The following KDM2B variants were observed in gnomAD, a reference collection of about 807,000 sequenced individuals.
The protein encoded by KDM2B is lysine demethylase 2B, also known as lysine-specific demethylase 2B.
Under a neutral mutation model 150.0 loss-of-function variants are expected in KDM2B, and 26 were observed. The observed-to-expected ratio is 0.17, with a 90% CI of 0.13 to 0.24. The LOEUF is 0.24. Ranked by LOEUF, KDM2B falls within the 10% of genes least tolerant of loss-of-function variation. The pLI is 1.00. For synonymous variants in KDM2B, 734 were observed against 729.5 expected (o/e 1.01, Z -0.10); for missense variants, 1,265 against 1,816.9 (o/e 0.70, Z 5.52).
intron 4 of KDM2B, among the ~76,000 whole-genome samples, chr12:121,555,569 C>T (rs1416333069): frequency 2.0e-5 from 3 of 152,224 alleles, no homozygotes; most frequent in Admixed American, 6.6e-5. Context: ...GACGGGGTTT[C>T]GCCATATTGC....
At chr12:121,470,097 A>T (rs1474669437) in intron 12 of KDM2B, 1 of 27,940 alleles carries the variant, frequency 3.6e-5, no homozygotes, top group African/African-American at 2.4e-4. Flanking sequence ...ATTCTGTCTC[A>T]AAAAAAAAAA....
At chr12:121,563,562 G>A (rs370525713) in intron 4 of KDM2B, among the ~76,000 whole-genome samples, 4 of 151,464 alleles carry the variant, frequency 2.6e-5, no homozygotes, top group Non-Finnish European at 4.4e-5. Flanking sequence ...ACCCAAGATC[G>A]CACCACTGCA....
chr12:121,447,495 G>A (rs782115122), intron 13 of KDM2B, among the ~76,000 whole-genome samples: 4 of 151,658 alleles, frequency 2.6e-5, no homozygotes, highest in South Asian at 4.2e-4. Flanking sequence ...CACCCACATC[G>A]GCCTCCCAAA....
At chr12:121,548,603 G>A (rs1309696863) in intron 6 of KDM2B, among the ~76,000 whole-genome samples, 1 of 152,192 alleles carries the variant, frequency 6.6e-6, no homozygotes, top group African/African-American at 2.4e-5. Context: ...CCGATGCAGA[G>A]GCGTCTGCCA....
At chr12:121,420,103 G>C in the KDM2B span, 1 of 692,114 alleles carries the variant, frequency 1.4e-6, no homozygotes, top group Non-Finnish European at 2.4e-6. Context: ...CTTTTTGGAA[G>C]GGTCAGCAGC....
rs1057381648 is a variant in KDM2B, at chr12:121,579,097, T to C, written c.127-151A>G. 5 of 840,822 alleles carry C rather than the reference T, an allele frequency of 5.9e-6. No homozygotes were observed. In the African/African-American group the frequency reaches 6.9e-5, roughly 12 times the overall value. The allele number at this position is 840,822 out of a possible 1,614,324, so 52.1% of individuals were successfully genotyped here. A position where few individuals can be genotyped will look rare whatever the true frequency, so the allele number is the denominator to read the frequency against. ...AGCAACTTTGCGCAATTGCCAAAGA[T>C]GCTGAAAAGCAGGACAAGGAGAGGG... On this transcript the variant is annotated intron_variant, in intron 1 of 22. Transcript: ENST00000377071.
At position 121,534,695 on chromosome 12, in the gene KDM2B, G is replaced by C. The variant is rs78794423; in HGVS notation, c.684-105C>G. The C allele has an allele frequency of 2.6e-3, 1,969 of 765,714 alleles. 11 individuals carry two copies. Among genetic ancestry groups the C allele is most frequent in the South Asian group, 8.9e-3 (538 of 60,190 alleles). The allele number at this position is 765,714 out of a possible 1,614,324, so 47.4% of individuals were successfully genotyped here. ...GAACTGGTGCCCTTTTATAAACGCT[G>C]ACGCTGGGGAATTTTCTTTTTTTCT... On this transcript the variant is annotated intron_variant, in intron 6 of 22. Coordinates refer to ENST00000377071, the MANE Select transcript of KDM2B (RefSeq NM_032590.5).
intron 8 of KDM2B, among the ~76,000 whole-genome samples, chr12:121,530,185 G>A (rs1427115804): frequency 1.5e-5 from 2 of 133,996 alleles, no homozygotes; most frequent in Admixed American, 8.3e-5. Context: ...CCGAGATTGC[G>A]CCACTGCACT....
intron 17 of KDM2B, 159 bp from the exon 18 acceptor site, chr12:121,443,189 C>T (rs1245281435): frequency 1.0e-5 from 7 of 670,872 alleles, no homozygotes; most frequent in South Asian, 7.4e-5. Flanking sequence ...GACAGACGGG[C>T]GAGCCCTGCC....
At chr12:121,433,237 C>T (rs1873365248) in intron 22 of KDM2B, 2 of 456,540 alleles carry the variant, frequency 4.4e-6, no homozygotes, top group Non-Finnish European at 8.8e-6. Flanking sequence ...TTTGGTCCCT[C>T]TGTGCGTTAG....
intron 11 of KDM2B, among the ~76,000 whole-genome samples, chr12:121,501,544 C>T (rs1376944436): frequency 6.6e-6 from 1 of 152,112 alleles, no homozygotes; most frequent in Non-Finnish European, 1.5e-5. Flanking sequence ...GAGCAGAGCC[C>T]CGCTGACTCT....
the KDM2B span, among the ~76,000 whole-genome samples, chr12:121,413,932 T>C: frequency 2.4e-4 from 36 of 152,302 alleles, no homozygotes; most frequent in African/African-American, 8.2e-4. Flanking sequence ...TGAAGACTTA[T>C]AATATTGAAA....
intron 13 of KDM2B, among the ~76,000 whole-genome samples, chr12:121,447,908 T>C (rs1022365482): frequency 6.6e-6 from 1 of 151,814 alleles, no homozygotes; most frequent in East Asian, 1.9e-4. Context: ...CCTCCCACCT[T>C]AGCCTCCCAA....
chr12:121,534,794 C>A, intron 6 of KDM2B: 1 of 543,818 alleles, frequency 1.8e-6, no homozygotes, highest in Non-Finnish European at 3.3e-6. Flanking sequence ...ATCTCAAGCA[C>A]TGGTCGCCTA....
Position 121,575,290 on chromosome 12 carries a change from C to T in KDM2B, c.350+491G>A, listed in dbSNP as rs1373239259. ...CCCCCAACCTGGAGCTCTGACAGAT[C>T]TCAGTGAATGAAAACAGACATAGTG... On this transcript the variant is annotated intron_variant, in intron 3 of 22. Coordinates refer to ENST00000377071, the MANE Select transcript of KDM2B (RefSeq NM_032590.5). The surrounding 1 kb of genome is among the most constrained non-coding windows in gnomAD (Gnocchi z 4.4). 6.6e-6 allele frequency among the ~76,000 whole-genome samples: 1 copy of T among 152,190 alleles called. No individual in the cohort carries two copies. The highest frequency in any genetic ancestry group is 2.4e-5 in the African/African-American group (1 of 41,444).
intron 11 of KDM2B, among the ~76,000 whole-genome samples, chr12:121,498,120 T>TA (rs1884164530): frequency 6.6e-6 from 1 of 151,926 alleles, no homozygotes; most frequent in Non-Finnish European, 1.5e-5. Flanking sequence ...AATAAATAAA[T>TA]AAAGTTTTTC....
At position 121,439,916 on chromosome 12, in the gene KDM2B, T is replaced by C. The variant is rs375977031; in HGVS notation, c.3770A>G (p.Asn1257Ser). 5 of 1,614,058 alleles carry C rather than the reference T, an allele frequency of 3.1e-6. No homozygotes were observed. Among genetic ancestry groups the C allele is most frequent in the East Asian group, 4.5e-5 (2 of 44,894 alleles). The change falls in exon 22 of 23, where the codon AAC becomes AGC. Residue 1257 changes from asparagine (N) to serine (S), a missense_variant. Transcript: ENST00000377071. ...GGTGGTGCCAACAGCAGTGAGCAGG[T>C]TGATAGACTGGTCGGTGACGTGGTT... ...YCNHVTDQSI[N>S]LLTAVGTTTR... is the part of the protein sequence containing the mutation.
chr12:121,421,390 A>AC, the KDM2B span, among the ~76,000 whole-genome samples: 3 of 148,454 alleles, frequency 2.0e-5, no homozygotes, highest in Non-Finnish European at 3.0e-5. Flanking sequence ...AAAAAAAAAA[A>AC]AAAAAAAACC....
At position 121,445,338 on chromosome 12, in the gene KDM2B, C is replaced by T. The variant is rs782329116; in HGVS notation, c.2040G>A (p.Lys680=). 5.0e-6 allele frequency: 8 copies of T among 1,613,736 alleles called. No homozygotes were observed. The South Asian group carries it at 6.6e-5, about 13-fold the overall frequency. The part of the protein sequence containing the change: ...KEDTVEEEEG[K]FNLMLMECSI... Reference sequence around the variant, plus strand: ...AGCACTCCATGAGCATGAGGTTAAACTTGCCTTCCTCCTCTTCCACCGTGT... The same window carrying T: ...AGCACTCCATGAGCATGAGGTTAAATTTGCCTTCCTCCTCTTCCACCGTGT... Residue 680 remains lysine (K), a synonymous_variant, in exon 14 of 23, where the codon AAG becomes AAA. Coordinates refer to ENST00000377071, the MANE Select transcript of KDM2B (RefSeq NM_032590.5).
Sources: allele counts gnomAD v4.1 joint callset (sites outside exome capture counted in the v4.1 genomes callset), GRCh38; gene constraint gnomAD v4.1.1; non-coding constraint Gnocchi (gnomAD v3.1); transcripts MANE v1.5; gene names NCBI Gene and HGNC (gene_info 2026-07-23, HGNC 2026-07-21).